The following AGBL4 variants were observed in gnomAD, a reference collection of about 807,000 sequenced individuals.
AGBL4 encodes cytosolic carboxypeptidase 6.
Under a neutral mutation model 66.4 loss-of-function variants are expected in AGBL4, and 58 were observed. The ratio of observed to expected loss-of-function variants is 0.87; its 90% CI spans 0.71 to 1.09. The LOEUF (loss-of-function observed/expected upper bound fraction) is 1.09. Among genes scored for constraint, AGBL4 ranks in the 50% least tolerant of loss-of-function variants. AGBL4 has a pLI of 0.00. For synonymous variants in AGBL4, 234 were observed against 222.9 expected (o/e 1.05, Z -0.44); for missense variants, 579 against 631.0 (o/e 0.92, Z 0.88).
chr1:48,653,465 A>T lies in AGBL4; in HGVS notation c.725-14T>A. 6.6e-7 allele frequency: 1 copy of T among 1,524,240 alleles called. No individual in the cohort carries two copies. The highest frequency in any genetic ancestry group is 8.9e-7 in the Non-Finnish European group (1 of 1,123,232). The allele number at this position is 1,524,240 out of a possible 1,614,324, so 94.4% of individuals were successfully genotyped here. On this transcript the variant is annotated splice_polypyrimidine_tract_variant and intron_variant, in intron 7 of 13. Coordinates refer to ENST00000371839, the MANE Select transcript of AGBL4 (RefSeq NM_032785.4). Reference sequence around the variant, plus strand: ...AGTCAATGATCCCTAGGGAAAGAGAAGAGCCCGGTTTAACAACAAAGCATT... The same window carrying T: ...AGTCAATGATCCCTAGGGAAAGAGATGAGCCCGGTTTAACAACAAAGCATT...
chr1:48,810,715 G>A (rs1646029478), intron 6 of AGBL4, among the ~76,000 whole-genome samples: 1 of 152,182 alleles, frequency 6.6e-6, no homozygotes, highest in South Asian at 2.1e-4. Flanking sequence ...ATGAGCTACT[G>A]AGATTTGGGA....
intron 2 of AGBL4, among the ~76,000 whole-genome samples, chr1:49,826,587 C>A (rs148950140): frequency 2.1e-4 from 32 of 152,284 alleles, no homozygotes; most frequent in Admixed American, 1.9e-3. Context: ...AACTGTATCC[C>A]TGTATAGACA....
intron 4 of AGBL4, among the ~76,000 whole-genome samples, chr1:49,064,384 C>T (rs1397029648): frequency 6.6e-6 from 1 of 152,156 alleles, no homozygotes. Flanking sequence ...CAGATAGGCT[C>T]TCCATGGAAT....
At chr1:49,657,314 C>G (rs1404543430) in intron 3 of AGBL4, among the ~76,000 whole-genome samples, 4 of 152,120 alleles carry the variant, frequency 2.6e-5, no homozygotes, top group Admixed American at 6.5e-5. Context: ...TGTGAAGGAC[C>G]TCTTCAAGGA....
rs1224559626 is a variant in AGBL4 at position 48,593,791 on chromosome 1, T to C, written c.952-2806A>G. On this transcript the variant is annotated intron_variant, in intron 9 of 13. Coordinates refer to ENST00000371839, the MANE Select transcript of AGBL4 (RefSeq NM_032785.4). ...TAAATAAAATAAAATAATAAATTCCTAGAAGTGAAATTCCCAGATCCTATG... is the reference window on the plus strand; with the variant it reads ...TAAATAAAATAAAATAATAAATTCCCAGAAGTGAAATTCCCAGATCCTATG... Among the ~76,000 whole-genome samples, 4 of 152,108 alleles carry C rather than the reference T, an allele frequency of 2.6e-5. No individual in the cohort carries two copies. In the South Asian group the frequency reaches 6.2e-4, roughly 24 times the overall value.
intron 5 of AGBL4, among the ~76,000 whole-genome samples, chr1:49,021,697 T>C (rs967794609): frequency 2.6e-5 from 4 of 152,192 alleles, no homozygotes; most frequent in African/African-American, 9.7e-5. Context: ...CAGCCAACAC[T>C]GACCAAGACA....
intron 3 of AGBL4, among the ~76,000 whole-genome samples, chr1:49,569,474 G>T (rs1644282855): frequency 6.6e-6 from 1 of 151,878 alleles, no homozygotes; most frequent in South Asian, 2.1e-4. Flanking sequence ...AACATTTCAT[G>T]TACCCCATAA....
At chr1:49,744,970 T>C (rs1005130524) in intron 2 of AGBL4, among the ~76,000 whole-genome samples, 20 of 152,208 alleles carry the variant, frequency 1.3e-4, no homozygotes, top group Middle Eastern at 3.4e-3. Context: ...CTGTTTCTAA[T>C]AGTATGATAG....
intron 6 of AGBL4, among the ~76,000 whole-genome samples, chr1:48,803,469 A>G (rs957925094): frequency 6.6e-6 from 1 of 152,216 alleles, no homozygotes; most frequent in Admixed American, 6.5e-5. Flanking sequence ...AAAGGAGGAA[A>G]GCTATCAAAT....
chr1:49,254,289 C>T (rs1446594898), intron 3 of AGBL4, among the ~76,000 whole-genome samples: 1 of 152,128 alleles, frequency 6.6e-6, no homozygotes, highest in African/African-American at 2.4e-5. Context: ...CCAAAAGTTG[C>T]TTAAGCTAAT....
At chr1:49,379,643 G>A (rs976165308) in intron 3 of AGBL4, among the ~76,000 whole-genome samples, 1 of 151,940 alleles carries the variant, frequency 6.6e-6, no homozygotes, top group South Asian at 2.1e-4. Flanking sequence ...TAATCATGTG[G>A]TTTTTGTCTT....
chr1:49,587,859 T>C (rs1419379430), intron 3 of AGBL4, among the ~76,000 whole-genome samples: 1 of 152,062 alleles, frequency 6.6e-6, no homozygotes, highest in Non-Finnish European at 1.5e-5. Context: ...ATTATTATTA[T>C]TATTATTTTC....
chr1:49,691,017 T>A (rs1361433598), intron 3 of AGBL4, among the ~76,000 whole-genome samples: 3 of 151,886 alleles, frequency 2.0e-5, no homozygotes, highest in African/African-American at 7.3e-5. Flanking sequence ...TACATTTTGC[T>A]TGATGATGAT....
intron 4 of AGBL4, among the ~76,000 whole-genome samples, chr1:49,173,338 C>T (rs1360012979): frequency 6.6e-6 from 1 of 152,126 alleles, no homozygotes; most frequent in East Asian, 1.9e-4. Flanking sequence ...TGGAATACAG[C>T]TCAAAGAGGT....
chr1:48,940,096 A>C (rs1655832011), intron 5 of AGBL4, among the ~76,000 whole-genome samples: 1 of 152,210 alleles, frequency 6.6e-6, no homozygotes, highest in Non-Finnish European at 1.5e-5. Flanking sequence ...TGTCCTTGTG[A>C]GATAAGCAGG....
chr1:48,673,725 G>A (rs977855156), intron 6 of AGBL4, among the ~76,000 whole-genome samples: 1 of 152,220 alleles, frequency 6.6e-6, no homozygotes, highest in Non-Finnish European at 1.5e-5. Context: ...AACAGACTAT[G>A]GAATGGCGAC....
At chr1:48,695,497 A>G (rs1195276184) in intron 6 of AGBL4, among the ~76,000 whole-genome samples, 1 of 152,188 alleles carries the variant, frequency 6.6e-6, no homozygotes, top group African/African-American at 2.4e-5. Flanking sequence ...CATTAACACA[A>G]TGGCCTCAGG....
intron 5 of AGBL4, among the ~76,000 whole-genome samples, chr1:48,940,005 C>T (rs970349064): frequency 8.5e-5 from 13 of 152,166 alleles, no homozygotes; most frequent in African/African-American, 2.2e-4. Flanking sequence ...AATTATCTGG[C>T]GCAAAATGTC....
At chr1:49,329,398 G>C (rs1311940592) in intron 3 of AGBL4, among the ~76,000 whole-genome samples, 1 of 152,084 alleles carries the variant, frequency 6.6e-6, no homozygotes. Flanking sequence ...GGGCGCGGTG[G>C]TTCATGCCCG....
Sources: gnomAD v4.1 joint callset for allele counts (sites outside exome capture counted in the v4.1 genomes callset) on GRCh38, gnomAD v4.1.1 for gene constraint, MANE v1.5 for transcripts, NCBI Gene and HGNC (gene_info 2026-07-23, HGNC 2026-07-21) for gene names.